ZNF560: variants seen among roughly 807,000 people sequenced by gnomAD.
The protein encoded by ZNF560 is zinc finger protein 560.
A neutral mutation model predicts 81.8 loss-of-function variants in ZNF560; 54 were observed. The observed-to-expected ratio is 0.66, with a 90% CI of 0.53 to 0.83. ZNF560 has a LOEUF of 0.83. Among genes scored for constraint, ZNF560 ranks in the 40% least tolerant of loss-of-function variants. The pLI is 0.00. For synonymous variants in ZNF560, 321 were observed against 317.9 expected (o/e 1.01, Z -0.10); for missense variants, 940 against 932.4 (o/e 1.01, Z -0.11).
At chr19:9,461,026 A>G in the ZNF560 span, among the ~76,000 whole-genome samples, 1 of 152,226 alleles carries the variant, frequency 6.6e-6, no homozygotes, top group Non-Finnish European at 1.5e-5. Flanking sequence ...ACATGACGGT[A>G]TAGTGGCACC....
the ZNF560 span, among the ~76,000 whole-genome samples, chr19:9,452,645 C>A: frequency 6.6e-6 from 1 of 152,180 alleles, no homozygotes; most frequent in Non-Finnish European, 1.5e-5. Context: ...CAGATTAACA[C>A]AGGAACAGAA....
At chr19:9,474,823 ATTT>A (rs35450965) in intron 3 of ZNF560, among the ~76,000 whole-genome samples, 1,131 of 85,672 alleles carry the variant, frequency 0.013, 4 homozygotes, top group African/African-American at 0.048. Context: ...CATGCCTGGC[ATTT>A]TTTTTTTTTT....
chr19:9,503,459 G>A (rs1436086477), upstream of ZNF560, among the ~76,000 whole-genome samples: 6 of 152,114 alleles, frequency 3.9e-5, no homozygotes, highest in South Asian at 2.1e-4. Flanking sequence ...TGGTTCATAC[G>A]ATTGTCTTCT....
rs779167526 is a variant in ZNF560 at position 9,471,319 on chromosome 19, G to A, written c.298C>T (p.Gln100Ter). The change falls in exon 6 of 10, where the codon CAA becomes TAA. Residue 100 changes from glutamine (Q) to a stop codon, truncating the protein, a stop_gained. Transcript: ENST00000301480. LOFTEE classifies it high-confidence loss of function. ...SALQQEFWKIQTSNGIQMDLV... is the reference protein window; with the variant it reads ...SALQQEFWKI Reference sequence around the variant, plus strand: ...ACCATTTGTATCCCATTAGAAGTTTGTATTTTCCAAAACTCCTGCTGCAGT... The same window carrying A: ...ACCATTTGTATCCCATTAGAAGTTTATATTTTCCAAAACTCCTGCTGCAGT... The A allele has an allele frequency of 6.3e-7, 1 of 1,595,366 alleles. No individual in the cohort carries two copies.
At chr19:9,491,066 A>G (rs887925789) in intron 2 of ZNF560, among the ~76,000 whole-genome samples, 1 of 152,194 alleles carries the variant, frequency 6.6e-6, no homozygotes, top group African/African-American at 2.4e-5. Context: ...TACAGGCTAC[A>G]AAGTAGAGGA....
chr19:9,471,425 A>C, intron 5 of ZNF560, 47 bp from the exon 6 acceptor site: 1 of 1,343,978 alleles, frequency 7.4e-7, no homozygotes, highest in Non-Finnish European at 1.0e-6. Flanking sequence ...TTAAAAAAAA[A>C]GGTAAAATGA....
chr19:9,489,269 C>T (rs974079428), intron 2 of ZNF560, among the ~76,000 whole-genome samples: 9 of 151,892 alleles, frequency 5.9e-5, no homozygotes, highest in Non-Finnish European at 1.3e-4. Context: ...AGGCGCTCCT[C>T]GCTTCCCAGA....
the ZNF560 span, among the ~76,000 whole-genome samples, chr19:9,450,586 C>T: frequency 3.3e-5 from 5 of 152,182 alleles, no homozygotes; most frequent in South Asian, 4.1e-4. Flanking sequence ...GATACAGTCT[C>T]GCTGTTGCCC....
the ZNF560 span, among the ~76,000 whole-genome samples, chr19:9,458,188 G>A: frequency 2.6e-5 from 4 of 152,184 alleles, no homozygotes; most frequent in Admixed American, 2.0e-4. Context: ...AATACAGCAA[G>A]CTTTTATAAA....
rs540153888 is a variant in ZNF560, at chr19:9,472,852, T to C, written c.238+327A>G. Among the ~76,000 whole-genome samples the C allele has an allele frequency of 1.6e-4, 25 of 152,318 alleles. No homozygotes were observed. The East Asian group carries it at 4.2e-3, about 26-fold the overall frequency. On this transcript the variant is annotated intron_variant, in intron 5 of 9. Coordinates refer to ENST00000301480, the MANE Select transcript of ZNF560 (RefSeq NM_152476.3). ...AATTGTCTTCCATGAAACTGGTCCC[T>C]GATGCCAAAAAGGCTGGGGACTGCT...
the ZNF560 span, among the ~76,000 whole-genome samples, chr19:9,451,511 A>G: frequency 6.6e-6 from 1 of 152,202 alleles, no homozygotes; most frequent in African/African-American, 2.4e-5. Context: ...AACTGTAACA[A>G]TCCTTGAAGA....
intron 2 of ZNF560, among the ~76,000 whole-genome samples, chr19:9,476,285 G>GT (rs917010279): frequency 2.2e-3 from 333 of 150,938 alleles, no homozygotes; most frequent in African/African-American, 3.1e-3. Context: ...CTGATGGTGG[G>GT]TTTTTTTTTG....
intron 2 of ZNF560, among the ~76,000 whole-genome samples, chr19:9,495,102 C>T (rs1034635106): frequency 4.6e-5 from 7 of 151,786 alleles, no homozygotes; most frequent in African/African-American, 9.7e-5. Flanking sequence ...GTTGCACCAC[C>T]GCACTCTAGC....
At chr19:9,500,853 G>T (rs967215380), upstream of ZNF560, among the ~76,000 whole-genome samples, 18 of 152,272 alleles carry the variant, frequency 1.2e-4, no homozygotes, top group African/African-American at 4.3e-4. Flanking sequence ...GGGATTACAG[G>T]TGTGAGCCAC....
At chr19:9,492,335 T>C (rs2073486610) in intron 2 of ZNF560, among the ~76,000 whole-genome samples, 1 of 152,162 alleles carries the variant, frequency 6.6e-6, no homozygotes. Context: ...TTCACTGGAA[T>C]AGACTCGTGT....
intron 5 of ZNF560, among the ~76,000 whole-genome samples, chr19:9,472,892 T>A (rs934191380): frequency 5.3e-5 from 8 of 152,098 alleles, no homozygotes; most frequent in African/African-American, 1.9e-4. Context: ...TAAAACACTA[T>A]GACACCACCC....
At chr19:9,482,755 C>A (rs982883871) in intron 2 of ZNF560, among the ~76,000 whole-genome samples, 2 of 151,660 alleles carry the variant, frequency 1.3e-5, no homozygotes, top group African/African-American at 4.8e-5. Flanking sequence ...CTCACTGCAA[C>A]CTCCCTGCCT....
intron 2 of ZNF560, among the ~76,000 whole-genome samples, chr19:9,491,825 CAA>C (rs1337657281): frequency 1.4e-4 from 4 of 28,946 alleles, no homozygotes; most frequent in African/African-American, 5.1e-4. Flanking sequence ...GACTCCGTCT[CAA>C]AAAAAAAAAA....
In ZNF560 at chr19:9,484,267, G is replaced by A. The variant is rs574180727; in HGVS notation, c.-56-8898C>T. Reference sequence around the variant, plus strand: ...GATCCTGCCAAATCCCCCTCTGTGAGAAACACCCAAGAATGATCAATTAAA... The same window carrying A: ...GATCCTGCCAAATCCCCCTCTGTGAAAAACACCCAAGAATGATCAATTAAA... On this transcript the variant is annotated intron_variant, in intron 2 of 9. Coordinates refer to ENST00000301480, the MANE Select transcript of ZNF560 (RefSeq NM_152476.3). Among the ~76,000 whole-genome samples, 16 of 149,092 alleles carry A rather than the reference G, an allele frequency of 1.1e-4. No homozygotes were observed. In the South Asian group the frequency reaches 2.8e-3, roughly 26 times the overall value.
Sources: gnomAD v4.1 joint callset for allele counts (sites outside exome capture counted in the v4.1 genomes callset) on GRCh38, gnomAD v4.1.1 for gene constraint, MANE v1.5 for transcripts, NCBI Gene and HGNC (gene_info 2026-07-23, HGNC 2026-07-21) for gene names.